ATP8A2: variants seen among roughly 807,000 people sequenced by gnomAD.
ATP8A2 encodes ATPase phospholipid transporting 8A2.
Under a neutral mutation model 165.6 loss-of-function variants are expected in ATP8A2, and 100 were observed. That is an observed-to-expected ratio of 0.60 (90% confidence interval 0.51 to 0.71). The LOEUF (loss-of-function observed/expected upper bound fraction) is 0.71. ATP8A2 is among the 30% of genes least tolerant of loss of function. The pLI is 0.00. For synonymous variants in ATP8A2, 543 were observed against 548.8 expected (o/e 0.99, Z 0.15); for missense variants, 1,227 against 1,479.5 (o/e 0.83, Z 2.80).
intron 2 of ATP8A2, among the ~76,000 whole-genome samples, chr13:25,506,959 A>ATATATATATATATATATATC (rs965878307): frequency 6.9e-5 from 10 of 145,938 alleles, no homozygotes; most frequent in Non-Finnish European, 1.5e-4. Context: ...ATATATATAT[A>ATATATATATATATATATATC]TATCTTATTT....
intron 33 of ATP8A2, among the ~76,000 whole-genome samples, chr13:25,888,838 G>A (rs1270123699): frequency 1.3e-5 from 2 of 152,166 alleles, no homozygotes; most frequent in East Asian, 1.9e-4. Context: ...CAGCCTGGGC[G>A]ACAAGACGGA....
intron 1 of ATP8A2, among the ~76,000 whole-genome samples, chr13:25,396,743 A>G (rs1593251331): frequency 1.3e-5 from 2 of 152,196 alleles, no homozygotes; most frequent in East Asian, 3.9e-4. Flanking sequence ...AGCGCCTGCC[A>G]CTAGCAAGTA....
chr13:25,702,436 G>A (rs2042970530), intron 25 of ATP8A2, among the ~76,000 whole-genome samples: 1 of 152,192 alleles, frequency 6.6e-6, no homozygotes, highest in Non-Finnish European at 1.5e-5. Context: ...TAAAATCCTA[G>A]AGAGGGCATA....
At chr13:25,954,438 G>T (rs539044560) in intron 33 of ATP8A2, among the ~76,000 whole-genome samples, 172 of 152,336 alleles carry the variant, frequency 1.1e-3, no homozygotes, top group South Asian at 2.7e-3. Flanking sequence ...AGCTTCAGCA[G>T]ACTTAAACGT....
intron 35 of ATP8A2, among the ~76,000 whole-genome samples, chr13:25,974,749 G>A (rs1408409387): frequency 3.9e-5 from 6 of 151,978 alleles, no homozygotes; most frequent in Non-Finnish European, 5.9e-5. Flanking sequence ...CTGCAGACTC[G>A]CTCTCAGTGT....
At chr13:25,626,687 C>A (rs1414126924) in intron 24 of ATP8A2, among the ~76,000 whole-genome samples, 2 of 152,168 alleles carry the variant, frequency 1.3e-5, no homozygotes, top group Admixed American at 6.5e-5. Context: ...GTAAAGAAGT[C>A]ACCCTTAGTG....
chr13:25,556,513 A>G (rs1276763460), intron 13 of ATP8A2, among the ~76,000 whole-genome samples: 6 of 152,094 alleles, frequency 3.9e-5, no homozygotes, highest in African/African-American at 1.4e-4. Flanking sequence ...TCTGGATATT[A>G]GACCTTTGTC....
chr13:25,953,834 T>G lies in ATP8A2; in HGVS notation c.3184-7741T>G, dbSNP rs1240368864. Among the ~76,000 whole-genome samples, 1 of 152,180 alleles carries G rather than the reference T, an allele frequency of 6.6e-6. No individual in the cohort carries two copies. Among genetic ancestry groups the G allele is most frequent in the Non-Finnish European group, 1.5e-5 (1 of 68,020 alleles). On this transcript the variant is annotated intron_variant, in intron 33 of 36. Transcript: ENST00000381655. The surrounding 1 kb of genome is among the most constrained non-coding windows in gnomAD (Gnocchi z 6.7). ...ATGCATTCCGTCCCAGATACTATGC[T>G]TTTCCCATGGTCTTCGCAAACTGCA...
chr13:25,888,077 C>CG lies in ATP8A2; in HGVS notation c.3183+25669_3183+25670insG, dbSNP rs1309958470. On this transcript the variant is annotated intron_variant, in intron 33 of 36. Transcript: ENST00000381655. ...AAAGGAAAGAACCCAGACCCCCCCC[C>CG]CGCCCCACCCCCAGAGAACACTGGC... Among the ~76,000 whole-genome samples, 7 of 135,654 alleles carry CG rather than the reference C, an allele frequency of 5.2e-5. 1 individual carries two copies. Among genetic ancestry groups the CG allele is most frequent in the African/African-American group, 1.8e-4 (7 of 38,084 alleles). The allele number at this position is 135,654 out of a possible 152,430, so 89.0% of individuals were successfully genotyped here.
chr13:25,639,602 GC>G (rs2041461526), intron 24 of ATP8A2, among the ~76,000 whole-genome samples: 1 of 152,178 alleles, frequency 6.6e-6, no homozygotes, highest in Admixed American at 6.5e-5. Flanking sequence ...GATTCATAAA[GC>G]AAGTCCTTAG....
At chr13:25,465,779 TTCTC>T (rs1199712327) in intron 1 of ATP8A2, among the ~76,000 whole-genome samples, 1 of 106,694 alleles carries the variant, frequency 9.4e-6, no homozygotes, top group African/African-American at 3.4e-5. Flanking sequence ...CTTTCTCTCT[TTCTC>T]TCTTTCTTTC....
Position 25,837,298 on chromosome 13 carries a change from T to C in ATP8A2, c.2877+13T>C, listed in dbSNP as rs1182097307. 2 of 1,613,674 alleles carry C rather than the reference T, an allele frequency of 1.2e-6. No homozygotes were observed. The highest frequency in any genetic ancestry group is 1.7e-6 in the Non-Finnish European group (2 of 1,179,820). ...CTTCAACACAAAGGTAAACAGAGTG[T>C]GATCTCAGAACTGTCACCTCAGAAA... On this transcript the variant is annotated intron_variant, in intron 29 of 36. Transcript: ENST00000381655.
At chr13:25,673,626 C>T (rs1048308667) in intron 24 of ATP8A2, among the ~76,000 whole-genome samples, 1 of 152,172 alleles carries the variant, frequency 6.6e-6, no homozygotes, top group Non-Finnish European at 1.5e-5. Flanking sequence ...ACTAAGCTTG[C>T]TTTTTTCCTA....
chr13:25,429,939 GA>G (rs1354689878), intron 1 of ATP8A2, among the ~76,000 whole-genome samples: 1 of 152,150 alleles, frequency 6.6e-6, no homozygotes, highest in Non-Finnish European at 1.5e-5. Flanking sequence ...TGGCTGTGGG[GA>G]TTTTGAGGAG....
chr13:25,399,978 G>GAC (rs2033581452), intron 1 of ATP8A2, among the ~76,000 whole-genome samples: 1 of 147,874 alleles, frequency 6.8e-6, no homozygotes. Flanking sequence ...TTCCTTTTTT[G>GAC]AGGAAGCCAT....
rs1201918014 is a variant in ATP8A2 at position 25,810,794 on chromosome 13, C to T, written c.2680-17324C>T. Among the ~76,000 whole-genome samples the T allele has an allele frequency of 3.3e-5, 5 of 152,052 alleles. No individual in the cohort carries two copies. In the South Asian group the frequency reaches 1.0e-3, roughly 32 times the overall value. Reference sequence around the variant, plus strand: ...GCGAGCAGAGGGAGCTGGATGTACACGCAGTTGCAGTCAGTCACTTGTTTC... The same window carrying T: ...GCGAGCAGAGGGAGCTGGATGTACATGCAGTTGCAGTCAGTCACTTGTTTC... On this transcript the variant is annotated intron_variant, in intron 27 of 36. Transcript: ENST00000381655.
chr13:25,701,209 C>G (rs1259117498), intron 25 of ATP8A2, among the ~76,000 whole-genome samples: 1 of 152,046 alleles, frequency 6.6e-6, no homozygotes. Context: ...CTATCTTTTT[C>G]TTTTGTGCTT....
intron 2 of ATP8A2, among the ~76,000 whole-genome samples, chr13:25,473,394 T>C (rs1413694297): frequency 5.3e-5 from 8 of 152,224 alleles, no homozygotes; most frequent in Non-Finnish European, 1.5e-5. Context: ...GAACAATAAC[T>C]TTCTTCATCC....
intron 27 of ATP8A2, among the ~76,000 whole-genome samples, chr13:25,823,089 A>C (rs1210548789): frequency 6.6e-6 from 1 of 152,204 alleles, no homozygotes; most frequent in Non-Finnish European, 1.5e-5. Context: ...GAACCAACAG[A>C]AGGCCACTGT....
Sources: gnomAD v4.1 joint callset for allele counts (sites outside exome capture counted in the v4.1 genomes callset) on GRCh38, gnomAD v4.1.1 for gene constraint, Gnocchi (gnomAD v3.1) non-coding constraint, MANE v1.5 for transcripts, NCBI Gene and HGNC (gene_info 2026-07-23, HGNC 2026-07-21) for gene names.